Variants in DPP10 observed in about 807,000 individuals in gnomAD.
The protein encoded by DPP10 is inactive dipeptidyl peptidase 10.
In DPP10, 33 loss-of-function variants were observed where a neutral mutation model predicts 120.9. The ratio of observed to expected loss-of-function variants is 0.27; its 90% confidence interval spans 0.21 to 0.37. The LOEUF (loss-of-function observed/expected upper bound fraction) is 0.37. Ranked by LOEUF, DPP10 falls within the 10% of genes least tolerant of loss-of-function variation. DPP10 has a pLI of 1.00. For synonymous variants in DPP10, 337 were observed against 326.1 expected, an observed-to-expected ratio of 1.03 and a Z score of -0.36; for missense variants, 816 against 942.8, an observed-to-expected ratio of 0.87 and a Z score of 1.76.
intron 1 of DPP10, among the ~76,000 whole-genome samples, chr2:114,564,480 A>T (rs1689048484): frequency 6.6e-6 from 1 of 152,188 alleles, no homozygotes; most frequent in Non-Finnish European, 1.5e-5. Context: ...GATTCTCATT[A>T]ACAACTAAGG....
intron 5 of DPP10, among the ~76,000 whole-genome samples, chr2:115,659,156 G>C (rs908159493): frequency 2.0e-5 from 3 of 152,046 alleles, no homozygotes; most frequent in Non-Finnish European, 4.4e-5. Flanking sequence ...TCCACCTAAA[G>C]CCAGGAGATG....
chr2:115,384,205 G>A (rs2066672860), intron 3 of DPP10, among the ~76,000 whole-genome samples: 2 of 152,164 alleles, frequency 1.3e-5, no homozygotes, highest in African/African-American at 2.4e-5. Flanking sequence ...TATGCAAGGT[G>A]AGGCATAAAA....
At chr2:115,842,122 G>T in intron 25 of DPP10, 89 bp from the exon 26 acceptor site, 2 of 1,349,604 alleles carry the variant, frequency 1.5e-6, no homozygotes, top group East Asian at 4.9e-5. Flanking sequence ...ATTACTCAAA[G>T]TTTCCATGAC....
At chr2:115,598,885 A>T (rs2083149576) in intron 5 of DPP10, among the ~76,000 whole-genome samples, 1 of 148,520 alleles carries the variant, frequency 6.7e-6, no homozygotes, top group Non-Finnish European at 1.5e-5. Context: ...TTAGTTTTTC[A>T]TTTAAATATG....
intron 1 of DPP10, among the ~76,000 whole-genome samples, chr2:114,546,237 G>A (rs539093481): frequency 6.6e-6 from 1 of 152,250 alleles, no homozygotes; most frequent in African/African-American, 2.4e-5. Context: ...TCTGCTTCTG[G>A]GGAGGTCTCA....
intron 1 of DPP10, among the ~76,000 whole-genome samples, chr2:114,867,592 C>T (rs572198493): frequency 1.3e-5 from 2 of 152,248 alleles, no homozygotes; most frequent in South Asian, 4.1e-4. Flanking sequence ...AATTACGAGC[C>T]TTGGCGTCTG....
chr2:114,550,502 G>A (rs920461370), intron 1 of DPP10, among the ~76,000 whole-genome samples: 3 of 152,238 alleles, frequency 2.0e-5, no homozygotes, highest in African/African-American at 7.2e-5. Context: ...GACATCTGCT[G>A]GCAGAGTCGG....
At chr2:114,750,288 C>T (rs1679079033) in intron 1 of DPP10, among the ~76,000 whole-genome samples, 1 of 151,442 alleles carries the variant, frequency 6.6e-6, no homozygotes, top group Admixed American at 6.6e-5. Context: ...TGGTCTCACC[C>T]CAGACCAGAT....
chr2:114,926,993 C>T lies in DPP10; in HGVS notation c.61-382246C>T, dbSNP rs371481485. ...AGCCTCCCGAGTAGCTGGGACTACT[C>T]GGGCCCCCACCACGCCCAGCTAATT... On this transcript the variant is annotated intron_variant, in intron 1 of 25. Transcript: ENST00000410059. Among the ~76,000 whole-genome samples, 27 of 151,580 alleles carry T rather than the reference C, an allele frequency of 1.8e-4. 1 individual carries two copies. Among genetic ancestry groups the T allele is most frequent in the South Asian group, 1.2e-3 (6 of 4,806 alleles).
At chr2:115,799,064 C>G (rs1023198467) in intron 19 of DPP10, among the ~76,000 whole-genome samples, 1 of 151,900 alleles carries the variant, frequency 6.6e-6, no homozygotes, top group Non-Finnish European at 1.5e-5. Context: ...AAAGTGCTTC[C>G]GTTGATTTTT....
At chr2:115,386,078 T>G (rs2066908010) in intron 3 of DPP10, among the ~76,000 whole-genome samples, 1 of 152,252 alleles carries the variant, frequency 6.6e-6, no homozygotes, top group Non-Finnish European at 1.5e-5. Flanking sequence ...AGGCAATTTA[T>G]ATACCTTATA....
At chr2:114,786,915 G>A (rs1213668869) in intron 1 of DPP10, among the ~76,000 whole-genome samples, 4 of 152,040 alleles carry the variant, frequency 2.6e-5, no homozygotes, top group East Asian at 1.9e-4. Context: ...GAACAATCCC[G>A]ACCCCTCCCC....
chr2:115,126,859 A>G (rs2050109150), intron 1 of DPP10, among the ~76,000 whole-genome samples: 1 of 152,240 alleles, frequency 6.6e-6, no homozygotes, highest in Non-Finnish European at 1.5e-5. Context: ...GTTCTTGAAA[A>G]TAACCTAAGT....
chr2:115,237,268 G>T (rs1207124356), intron 1 of DPP10, among the ~76,000 whole-genome samples: 1 of 151,906 alleles, frequency 6.6e-6, no homozygotes, highest in African/African-American at 2.4e-5. Flanking sequence ...CTGTTATTGT[G>T]ATCTGTGATC....
chr2:114,728,743 C>T (rs1010020516), intron 1 of DPP10, among the ~76,000 whole-genome samples: 1 of 152,120 alleles, frequency 6.6e-6, no homozygotes, highest in Non-Finnish European at 1.5e-5. Flanking sequence ...TCTATTATTC[C>T]ATCTGAAGGA....
intron 1 of DPP10, among the ~76,000 whole-genome samples, chr2:114,875,758 T>A (rs1327227816): frequency 6.6e-6 from 1 of 152,158 alleles, no homozygotes; most frequent in African/African-American, 2.4e-5. Flanking sequence ...TACTTCTATG[T>A]CACATGCTAT....
chr2:114,649,961 T>C (rs1171590234), intron 1 of DPP10, among the ~76,000 whole-genome samples: 1 of 152,192 alleles, frequency 6.6e-6, no homozygotes, highest in Non-Finnish European at 1.5e-5. Context: ...TGCAGATTTA[T>C]GGAGTGTTAT....
At chr2:114,893,562 T>C (rs899687777) in intron 1 of DPP10, among the ~76,000 whole-genome samples, 11 of 152,160 alleles carry the variant, frequency 7.2e-5, no homozygotes, top group Admixed American at 2.0e-4. Flanking sequence ...GTAGCTTTTC[T>C]TGGCTGTAGA....
chr2:115,135,490 A>C (rs1228444277), intron 1 of DPP10, among the ~76,000 whole-genome samples: 1 of 152,182 alleles, frequency 6.6e-6, no homozygotes, highest in African/African-American at 2.4e-5. Flanking sequence ...AAAACAGAGA[A>C]GGCCTCAGCA....
Sources: gnomAD v4.1 joint callset for allele counts (sites outside exome capture counted in the v4.1 genomes callset) on GRCh38, gnomAD v4.1.1 for gene constraint, MANE v1.5 for transcripts, NCBI Gene and HGNC (gene_info 2026-07-23, HGNC 2026-07-21) for gene names.